The following JDP2 variants were observed in gnomAD, a reference collection of about 807,000 sequenced individuals.
JDP2 encodes progesterone receptor co-activator.
In JDP2, 9 loss-of-function variants were observed where a neutral mutation model predicts 17.1. The ratio of observed to expected loss-of-function variants is 0.53; its 90% confidence interval spans 0.32 to 0.92. The LOEUF is 0.92. Among genes scored for constraint, JDP2 ranks in the 40% least tolerant of loss-of-function variants. The pLI is 0.04. For synonymous variants in JDP2, 107 were observed against 95.6 expected (o/e 1.12, Z -0.69); for missense variants, 179 against 220.0 (o/e 0.81, Z 1.18).
At chr14:75,432,256 C>T in intron 1 of JDP2, 2 of 1,491,508 alleles carry the variant, frequency 1.3e-6, no homozygotes, top group Non-Finnish European at 1.8e-6. Context: ...CATTCAGATT[C>T]CAAGAGAGAG....
chr14:75,464,858 A>T (rs77303231), intron 3 of JDP2, among the ~76,000 whole-genome samples: 2 of 152,204 alleles, frequency 1.3e-5, no homozygotes, highest in African/African-American at 4.8e-5. Context: ...GGTCAGGAGC[A>T]GTGGCCCTGA....
At chr14:75,440,106 A>T (rs1196076897) in intron 2 of JDP2, among the ~76,000 whole-genome samples, 1 of 152,224 alleles carries the variant, frequency 6.6e-6, no homozygotes, top group Non-Finnish European at 1.5e-5. Context: ...AATTGGTGGC[A>T]TCTGCCCTGT....
chr14:75,469,395 A>T lies in JDP2; in HGVS notation c.412A>T (p.Thr138Ser), dbSNP rs748176618. The change falls in exon 4 of 4, where the codon ACC (threonine) becomes TCC (serine). Residue 138 changes from threonine (T) to serine (S), a missense_variant. Physicochemically the swap from Thr to Ser is moderately conservative, Grantham distance 58. Transcript: ENST00000651602. ...LILMLNRHRP[T>S]CIVRTDSVKT... Reference sequence around the variant, plus strand: ...CCTGATGCTGAACCGACACCGCCCCACCTGCATCGTCCGGACCGACAGTGT... The same window carrying T: ...CCTGATGCTGAACCGACACCGCCCCTCCTGCATCGTCCGGACCGACAGTGT... 1 of 1,613,988 alleles carries T rather than the reference A, an allele frequency of 6.2e-7. No individual in the cohort carries two copies. Among genetic ancestry groups the T allele is most frequent in the African/African-American group, 1.3e-5 (1 of 74,914 alleles).
rs17183629 is a variant in JDP2 at position 75,473,944 on chromosome 14, C to G, written c.*4469C>G. On this transcript the variant is annotated 3_prime_UTR_variant, in exon 4 of 4. Transcript: ENST00000651602. ...TAAGTAGGACGCTGGACTTCAACTT[C>G]AACTATACACATAACATTTCATTTA... 0.12 allele frequency: 18,559 copies of G among 152,244 alleles called. 1,307 individuals are homozygous for G. Among genetic ancestry groups the G allele is most frequent in the Middle Eastern group, 0.17 (51 of 292 alleles). The allele number at this position is 152,244 out of a possible 1,614,324, so 9.4% of individuals were successfully genotyped here.
Position 75,472,824 on chromosome 14 carries a change from A to G in JDP2, c.*3349A>G, listed in dbSNP as rs912481391. ...TGTTCTGACCCTGTACGTGGTCCCT[A>G]TGGTGTGATGAATGCCTGGGATCGC... On this transcript the variant is annotated 3_prime_UTR_variant, in exon 4 of 4. Coordinates refer to ENST00000651602, the MANE Select transcript of JDP2 (RefSeq NM_001135048.2). 6.6e-6 allele frequency: 1 copy of G among 152,316 alleles called. No individual in the cohort carries two copies. Among genetic ancestry groups the G allele is most frequent in the Non-Finnish European group, 1.5e-5 (1 of 68,092 alleles). The allele number at this position is 152,316 out of a possible 1,614,324, so 9.4% of individuals were successfully genotyped here.
intron 2 of JDP2, among the ~76,000 whole-genome samples, chr14:75,452,461 G>T (rs1187684936): frequency 2.0e-5 from 3 of 152,160 alleles, no homozygotes; most frequent in Non-Finnish European, 4.4e-5. Flanking sequence ...CACAGAGCAG[G>T]GCACTGTGGT....
chr14:75,428,646 G>T lies in JDP2; in HGVS notation c.-24+394G>T, dbSNP rs1225656449. 6.6e-6 allele frequency: 1 copy of T among 152,402 alleles called. No individual in the cohort carries two copies. Among genetic ancestry groups the T allele is most frequent in the Non-Finnish European group, 1.5e-5 (1 of 68,192 alleles). 9.4% of individuals were successfully genotyped at this position (152,402 alleles called of 1,614,324 possible). The stretch of plus-strand genomic sequence containing the variant: ...AAGTGCCCGCGGAGATGGGCTGTGC[G>T]GGTGGAGGTGGAGGGTGAAGGGCCA... On this transcript the variant is annotated intron_variant, in intron 1 of 3. Coordinates refer to ENST00000651602, the MANE Select transcript of JDP2 (RefSeq NM_001135048.2). The surrounding 1 kb of genome is among the most constrained non-coding windows in gnomAD (Gnocchi z 5.6).
intron 2 of JDP2, among the ~76,000 whole-genome samples, chr14:75,458,495 T>G (rs924922788): frequency 6.6e-6 from 1 of 152,204 alleles, no homozygotes; most frequent in South Asian, 2.1e-4. Flanking sequence ...GCAAAGGACA[T>G]GATCCTGTTC....
At chr14:75,444,253 G>T (rs548052049) in intron 2 of JDP2, among the ~76,000 whole-genome samples, 36 of 152,212 alleles carry the variant, frequency 2.4e-4, no homozygotes, top group Middle Eastern at 3.2e-3. Context: ...TTCACATGAT[G>T]CCTGGCACTT....
At chr14:75,461,246 C>T (rs893295946) in intron 2 of JDP2, among the ~76,000 whole-genome samples, 180 bp from the exon 3 acceptor site, 2 of 152,150 alleles carry the variant, frequency 1.3e-5, no homozygotes, top group African/African-American at 4.8e-5. Context: ...CTGAGAGGAT[C>T]CTTGGACTGG....
At chr14:75,449,424 A>C (rs1223237085) in intron 2 of JDP2, among the ~76,000 whole-genome samples, 1 of 152,244 alleles carries the variant, frequency 6.6e-6, no homozygotes, top group Non-Finnish European at 1.5e-5. Context: ...CAGTGTAATC[A>C]AGGCATATTA....
In JDP2 at chr14:75,456,343, G is replaced by A. The variant is rs1012718779; in HGVS notation, c.202-5083G>A. ...TCTCTCTCTCCCCTTCTTCATCTCCGTGTTCTGTGTGTTTCTCTGTCCCAC... is the reference window on the plus strand; with the variant it reads ...TCTCTCTCTCCCCTTCTTCATCTCCATGTTCTGTGTGTTTCTCTGTCCCAC... On this transcript the variant is annotated intron_variant, in intron 2 of 3. Coordinates refer to ENST00000651602, the MANE Select transcript of JDP2 (RefSeq NM_001135048.2). Among the ~76,000 whole-genome samples the A allele has an allele frequency of 2.0e-5, 3 of 152,032 alleles. No individual in the cohort carries two copies. In the East Asian group the frequency reaches 5.8e-4, roughly 29 times the overall value.
chr14:75,454,628 G>A (rs529863795), intron 2 of JDP2, among the ~76,000 whole-genome samples: 2 of 152,272 alleles, frequency 1.3e-5, no homozygotes, highest in African/African-American at 4.8e-5. Context: ...ACATGCATGT[G>A]AAAAAGATAA....
chr14:75,446,672 G>A (rs938653775), intron 2 of JDP2, among the ~76,000 whole-genome samples: 3 of 152,190 alleles, frequency 2.0e-5, no homozygotes, highest in South Asian at 2.1e-4. Context: ...GGGAGGAGTG[G>A]GGAGTGATGG....
In JDP2 at chr14:75,442,767, A is replaced by G. The variant is rs75830951; in HGVS notation, c.201+4646A>G. The stretch of plus-strand genomic sequence containing the variant: ...CACCCAAGGTCCATGGAATCAGAAT[A>G]TCTGAGGGTAGAGTCCTGGGAAGCT... On this transcript the variant is annotated intron_variant, in intron 2 of 3. Coordinates refer to ENST00000651602, the MANE Select transcript of JDP2 (RefSeq NM_001135048.2). Among the ~76,000 whole-genome samples, 674 of 152,312 alleles carry G rather than the reference A, an allele frequency of 4.4e-3. 3 individuals carry two copies. The highest frequency in any genetic ancestry group is 7.4e-3 in the Non-Finnish European group (504 of 68,032).
chr14:75,465,928 T>C (rs1409743354), intron 3 of JDP2, among the ~76,000 whole-genome samples: 1 of 152,250 alleles, frequency 6.6e-6, no homozygotes, highest in Admixed American at 6.5e-5. Flanking sequence ...CGGAGGTATA[T>C]GCTTCATAAT....
intron 2 of JDP2, among the ~76,000 whole-genome samples, chr14:75,458,319 C>T (rs762931076): frequency 6.6e-6 from 1 of 152,160 alleles, no homozygotes; most frequent in African/African-American, 2.4e-5. Flanking sequence ...TCTCCCTCCT[C>T]CTACCCTCCA....
intron 2 of JDP2, among the ~76,000 whole-genome samples, chr14:75,438,429 G>A (rs1485953397): frequency 6.6e-6 from 1 of 152,208 alleles, no homozygotes; most frequent in East Asian, 1.9e-4. Flanking sequence ...GTAATGAATA[G>A]TAATATCTTG....
intron 1 of JDP2, among the ~76,000 whole-genome samples, chr14:75,431,389 A>G (rs1276017397): frequency 6.6e-6 from 1 of 152,208 alleles, no homozygotes; most frequent in East Asian, 1.9e-4. Flanking sequence ...TGCAGGGATC[A>G]CGGCTGCCAG....
Sources: gnomAD v4.1 joint callset for allele counts (sites outside exome capture counted in the v4.1 genomes callset) on GRCh38, gnomAD v4.1.1 for gene constraint, Gnocchi (gnomAD v3.1) non-coding constraint, MANE v1.5 for transcripts, NCBI Gene and HGNC (gene_info 2026-07-23, HGNC 2026-07-21) for gene names.